Variants in RYR3 observed in about 807,000 individuals in gnomAD.
The protein encoded by RYR3 is brain ryanodine receptor-calcium release channel.
A neutral mutation model predicts 584.3 loss-of-function variants in RYR3; 207 were observed. That is an observed-to-expected ratio of 0.35 (90% CI 0.32 to 0.40). RYR3 has a LOEUF of 0.40. Ranked by LOEUF, RYR3 falls within the 10% of genes least tolerant of loss-of-function variation. RYR3 has a pLI of 1.00. For synonymous variants in RYR3, 2,416 were observed against 2,248.5 expected, an observed-to-expected ratio of 1.07 and a Z score of -2.11; for missense variants, 5,616 against 6,089.2, an observed-to-expected ratio of 0.92 and a Z score of 2.59.
intron 50 of RYR3, 80 bp from the exon 51 acceptor site, chr15:33,739,752 T>C: frequency 8.2e-7 from 1 of 1,219,888 alleles, no homozygotes; most frequent in African/African-American, 1.5e-5. Flanking sequence ...TATTTCTGTT[T>C]TCAGCTGATT....
chr15:33,797,630 C>A (rs1421502827), intron 67 of RYR3, among the ~76,000 whole-genome samples: 3 of 152,186 alleles, frequency 2.0e-5, no homozygotes, highest in African/African-American at 7.2e-5. Flanking sequence ...GCTGAAACCG[C>A]ATTCTCACAC....
chr15:33,640,526 T>G (rs1317762534), intron 27 of RYR3, among the ~76,000 whole-genome samples: 1 of 152,224 alleles, frequency 6.6e-6, no homozygotes, highest in African/African-American at 2.4e-5. Flanking sequence ...CTCTTTTATG[T>G]CTTCCTTTAG....
chr15:33,834,285 A>AACACACACACAC (rs61059288), intron 86 of RYR3, among the ~76,000 whole-genome samples: 1,404 of 136,916 alleles, frequency 0.01, 11 homozygotes, highest in African/African-American at 0.019. Flanking sequence ...ATCTGTCTTA[A>AACACACACACAC]ACACACACAC....
chr15:33,668,949 T>A (rs2063651559), intron 36 of RYR3, among the ~76,000 whole-genome samples: 1 of 152,186 alleles, frequency 6.6e-6, no homozygotes. Context: ...ACAATGCACC[T>A]ATTAAAAATT....
chr15:33,685,949 A>G (rs1490688912), intron 38 of RYR3, among the ~76,000 whole-genome samples: 1 of 152,238 alleles, frequency 6.6e-6, no homozygotes, highest in African/African-American at 2.4e-5. Context: ...AGCAGTGTGT[A>G]GAGGGAAATT....
chr15:33,810,842 T>C, intron 71 of RYR3, 136 bp from the exon 72 acceptor site: 1 of 1,079,242 alleles, frequency 9.3e-7, no homozygotes. Flanking sequence ...GGGACAAATC[T>C]CCGGAATATT....
At chr15:33,708,027 A>G (rs2066840927) in intron 43 of RYR3, among the ~76,000 whole-genome samples, 1 of 152,094 alleles carries the variant, frequency 6.6e-6, no homozygotes, top group Non-Finnish European at 1.5e-5. Flanking sequence ...CCTGGAACCC[A>G]CCCAGCCAAC....
intron 67 of RYR3, among the ~76,000 whole-genome samples, chr15:33,799,786 T>A (rs2075823584): frequency 6.6e-6 from 1 of 152,310 alleles, no homozygotes; most frequent in South Asian, 2.1e-4. Context: ...GCCCTTAACC[T>A]GTGGGGACTG....
Position 33,865,591 on chromosome 15 carries a change from C to CACTTGAATGTCATCATG in RYR3, c.*366_*382dup, listed in dbSNP as rs1484824284. ...AATGTGTAATACCTGAAAATTTAAA[C>CACTTGAATGTCATCATG]ACTTGAATGTCATCATGGTATCCAA... On this transcript the variant is annotated 3_prime_UTR_variant, in exon 104 of 104. Transcript: ENST00000634891. 1.0e-5 allele frequency: 2 copies of CACTTGAATGTCATCATG among 191,126 alleles called. No individual in the cohort carries two copies. The highest frequency in any genetic ancestry group is 4.7e-5 in the African/African-American group (2 of 42,610). 11.8% of individuals were successfully genotyped at this position (191,126 alleles called of 1,614,324 possible).
At chr15:33,320,939 A>T (rs1226760030) in intron 1 of RYR3, among the ~76,000 whole-genome samples, 1 of 152,238 alleles carries the variant, frequency 6.6e-6, no homozygotes, top group Non-Finnish European at 1.5e-5. Flanking sequence ...GATTCCTGGC[A>T]TTCTGCTTCA....
chr15:33,734,455 C>A (rs549095597), intron 48 of RYR3, among the ~76,000 whole-genome samples: 2 of 152,182 alleles, frequency 1.3e-5, no homozygotes, highest in Admixed American at 1.3e-4. Context: ...AAAAAGAAAT[C>A]GTTTCCATCA....
intron 69 of RYR3, 98 bp downstream of exon 69, chr15:33,802,059 A>G (rs1455832287): frequency 1.2e-6 from 1 of 819,276 alleles, no homozygotes; most frequent in African/African-American, 1.7e-5. Context: ...ACCGTACTGC[A>G]TTTAGGTCAA....
Position 33,826,692 on chromosome 15 carries a change from G to T in RYR3, c.11185G>T (p.Asp3729Tyr), listed in dbSNP as rs1224340287. The change falls in exon 84 of 104, where the codon GAC becomes TAC. Residue 3729 changes from aspartate (D) to tyrosine (Y), a missense_variant. By Grantham distance (160) the Asp-to-Tyr change is radical. Transcript: ENST00000634891. ...TCAAGGTGAAAAAGTACTCCAGAAT[G>T]ACGAGTTCACGCGTGATCTCTTTAG... ...RERGEKVLQN[D>Y]EFTRDLFRFL... The T allele has an allele frequency of 6.2e-7, 1 of 1,613,928 alleles. No homozygotes were observed. Among genetic ancestry groups the T allele is most frequent in the South Asian group, 1.1e-5 (1 of 91,070 alleles).
chr15:33,413,484 C>T (rs564760446), intron 1 of RYR3, among the ~76,000 whole-genome samples: 1 of 152,356 alleles, frequency 6.6e-6, no homozygotes, highest in East Asian at 1.9e-4. Context: ...TGTGTGCTTC[C>T]TCAGAGCTTT....
chr15:33,699,349 C>G (rs897745976), intron 40 of RYR3, among the ~76,000 whole-genome samples: 11 of 145,274 alleles, frequency 7.6e-5, no homozygotes, highest in Admixed American at 3.5e-4. Flanking sequence ...CTCTCTGTCT[C>G]TCCTCTCTCT....
chr15:33,835,128 C>G, intron 87 of RYR3, 56 bp downstream of exon 87: 1 of 1,298,958 alleles, frequency 7.7e-7, no homozygotes, highest in Non-Finnish European at 1.1e-6. Context: ...AGTCAGTCCT[C>G]ACTCCTTGGT....
At chr15:33,379,687 C>CTATATATATATATATATATATATA (rs1555448829) in intron 1 of RYR3, among the ~76,000 whole-genome samples, 8 of 125,488 alleles carry the variant, frequency 6.4e-5, no homozygotes, top group African/African-American at 2.1e-4. Flanking sequence ...CTCTCTCTCT[C>CTATATATATATATATATATATATA]TATATATATA....
At chr15:33,864,051 C>T in intron 102 of RYR3, 87 bp from the exon 103 acceptor site, 1 of 965,340 alleles carries the variant, frequency 1.0e-6, no homozygotes, top group Admixed American at 2.0e-5. Flanking sequence ...GACCAACTAG[C>T]CTTTCTGAGC....
chr15:33,434,941 C>T (rs1168979060), intron 1 of RYR3, among the ~76,000 whole-genome samples: 1 of 152,124 alleles, frequency 6.6e-6, no homozygotes, highest in East Asian at 1.9e-4. Context: ...ACTCAGCCTC[C>T]CGAGTAGCTG....
Sources: gnomAD v4.1 joint callset for allele counts (sites outside exome capture counted in the v4.1 genomes callset) on GRCh38, gnomAD v4.1.1 for gene constraint, MANE v1.5 for transcripts, NCBI Gene and HGNC (gene_info 2026-07-23, HGNC 2026-07-21) for gene names.